MTMR8: variants seen among roughly 807,000 people sequenced by gnomAD.
MTMR8 encodes the protein myotubularin related protein 8.
Under a neutral mutation model 39.3 loss-of-function variants are expected in MTMR8, and 65 were observed. That is an observed-to-expected ratio of 1.65 (90% CI 1.35 to 2.03). The LOEUF (loss-of-function observed/expected upper bound fraction) is 2.03, where lower values mean the gene tolerates loss of function less well. MTMR8 is among the 30% of genes most tolerant of loss of function. MTMR8 has a pLI of 0.00. For missense variants in MTMR8, 777 were observed against 538.9 expected (o/e 1.44, Z -4.37); for synonymous variants, 245 against 185.2 (o/e 1.32, Z -2.62).
At chrX:64,309,269 T>C (rs998712854) in intron 12 of MTMR8, among the ~76,000 whole-genome samples, 3 of 112,072 alleles carry the variant, frequency 2.7e-5, no homozygotes, top group African/African-American at 9.7e-5. Flanking sequence ...ATTTAGTTCT[T>C]TGATTTCATC....
intron 13 of MTMR8, among the ~76,000 whole-genome samples, chrX:64,270,230 G>A (rs1602099085): frequency 8.9e-6 from 1 of 112,015 alleles, no homozygotes; most frequent in Admixed American, 9.4e-5. Flanking sequence ...GGGATCTGAT[G>A]TAATCACAAC....
At position 64,270,876 on chromosome X, in the gene MTMR8, A is replaced by G. The variant is rs1422187459; in HGVS notation, c.1608+71T>C. On this transcript the variant is annotated intron_variant, in intron 13 of 13. Transcript: ENST00000374852. ...GCCAGTCAGCTTTCCACAAGTATCA[A>G]TTCAACTCCAAGCAGGCTGGACCTA... 8.9e-6 allele frequency: 10 copies of G among 1,128,223 alleles called. No homozygotes were observed. In the Admixed American group the frequency reaches 1.7e-4, roughly 19 times the overall value. 93.0% of individuals were successfully genotyped at this position (1,128,223 alleles called of 1,213,427 possible). A position where few individuals can be genotyped will look rare whatever the true frequency, so the allele number is the denominator to read the frequency against.
intron 7 of MTMR8, 116 bp from the exon 8 acceptor site, chrX:64,343,836 G>T: frequency 2.0e-6 from 1 of 511,951 alleles, no homozygotes; most frequent in South Asian, 2.9e-5. Flanking sequence ...AAGGTTAAAT[G>T]ATTAGTTAGA....
intron 12 of MTMR8, among the ~76,000 whole-genome samples, chrX:64,323,809 T>C (rs751808426): frequency 8.9e-6 from 1 of 112,342 alleles, no homozygotes; most frequent in Non-Finnish European, 1.9e-5. Context: ...CATGCTCTTA[T>C]ATGACCAACA....
At chrX:64,335,503 T>C (rs918476445) in intron 10 of MTMR8, among the ~76,000 whole-genome samples, 7 of 112,302 alleles carry the variant, frequency 6.2e-5, no homozygotes, top group Admixed American at 9.4e-5. Context: ...TGTTAGGCAT[T>C]TGACAAATAT....
intron 6 of MTMR8, 34 bp from the exon 7 acceptor site, chrX:64,345,211 G>T (rs371574556): frequency 4.2e-6 from 5 of 1,189,301 alleles, no homozygotes; most frequent in Non-Finnish European, 5.7e-6. Context: ...GAGCAGATAG[G>T]CCAGATGATG....
intron 12 of MTMR8, chrX:64,306,294 G>C (rs998065815): frequency 1.0e-4 from 31 of 308,928 alleles, no homozygotes; most frequent in Non-Finnish European, 5.7e-5. Flanking sequence ...CTGAACTACT[G>C]TTTGAGCTTG....
chrX:64,366,398 C>G (rs1298910968), intron 1 of MTMR8, among the ~76,000 whole-genome samples: 1 of 112,056 alleles, frequency 8.9e-6, no homozygotes, highest in Non-Finnish European at 1.9e-5. Flanking sequence ...GAAATCACAA[C>G]AAACTGTCTC....
intron 10 of MTMR8, among the ~76,000 whole-genome samples, chrX:64,333,824 C>T (rs762461452): frequency 3.9e-4 from 44 of 111,851 alleles, no homozygotes; most frequent in Middle Eastern, 4.6e-3. Flanking sequence ...TTGCCAAAGT[C>T]GATTCTTGGG....
At chrX:64,345,249 C>T (rs1251842142) in intron 6 of MTMR8, 72 bp from the exon 7 acceptor site, 8 of 1,058,812 alleles carry the variant, frequency 7.6e-6, no homozygotes, top group East Asian at 3.1e-5. Context: ...AATCTCAATG[C>T]CTCATTCTGA....
chrX:64,288,785 G>C (rs1244384538), intron 12 of MTMR8, among the ~76,000 whole-genome samples: 1 of 110,281 alleles, frequency 9.1e-6, no homozygotes, highest in African/African-American at 3.3e-5. Flanking sequence ...CCCAAACACC[G>C]CATGTTGTCA....
At chrX:64,346,841 A>T (rs1334757426) in intron 6 of MTMR8, among the ~76,000 whole-genome samples, 1 of 111,163 alleles carries the variant, frequency 9.0e-6, no homozygotes, top group Non-Finnish European at 1.9e-5. Context: ...TAATCTTTAA[A>T]GATACAGACG....
At chrX:64,375,870 G>A (rs2147243291) in intron 1 of MTMR8, among the ~76,000 whole-genome samples, 1 of 112,000 alleles carries the variant, frequency 8.9e-6, no homozygotes, top group South Asian at 3.8e-4. Context: ...CTCAGTGGTG[G>A]AGGACAGGCC....
chrX:64,282,454 A>G (rs760087819), intron 12 of MTMR8, among the ~76,000 whole-genome samples: 14 of 110,893 alleles, frequency 1.3e-4, no homozygotes, highest in Non-Finnish European at 2.1e-4. Context: ...ACGTTTACCT[A>G]TGTAACAAAC....
At chrX:64,316,724 C>T (rs1480466234) in intron 12 of MTMR8, among the ~76,000 whole-genome samples, 1 of 111,316 alleles carries the variant, frequency 9.0e-6, no homozygotes, top group Non-Finnish European at 1.9e-5. Flanking sequence ...GTGCAACTTC[C>T]TTCTGGCTTC....
intron 12 of MTMR8, among the ~76,000 whole-genome samples, chrX:64,308,320 A>ATTTTTTTTTTTTTTTTTTTT (rs778962275): frequency 1.1e-4 from 8 of 69,608 alleles, no homozygotes; most frequent in African/African-American, 3.2e-4. Flanking sequence ...ACGGCTGGCT[A>ATTTTTTTTTTTTTTTTTTTT]TTTTTTTTTT....
intron 12 of MTMR8, among the ~76,000 whole-genome samples, chrX:64,318,067 C>T (rs1371272936): frequency 8.9e-6 from 1 of 112,525 alleles, no homozygotes. Context: ...CTCCACTAGC[C>T]TTCCTCTGAT....
chrX:64,305,592 G>T (rs758572263), intron 12 of MTMR8: 1 of 506,407 alleles, frequency 2.0e-6, no homozygotes, highest in East Asian at 3.7e-5. Context: ...AGCTTGAGGT[G>T]CAGCAGTCTG....
chrX:64,386,494 C>T (rs1924562107), intron 1 of MTMR8, among the ~76,000 whole-genome samples: 2 of 110,949 alleles, frequency 1.8e-5, no homozygotes, highest in Admixed American at 9.6e-5. Flanking sequence ...AACCAAAAAC[C>T]CACATGGGGA....
Sources: allele counts gnomAD v4.1 joint callset (sites outside exome capture counted in the v4.1 genomes callset), GRCh38; gene constraint gnomAD v4.1.1; transcripts MANE v1.5; gene names NCBI Gene and HGNC (gene_info 2026-07-23, HGNC 2026-07-21).